PARP12: variants seen among roughly 807,000 people sequenced by gnomAD.
PARP12 encodes protein mono-ADP-ribosyltransferase PARP12.
PARP12 carries 59 observed loss-of-function variants against 72.4 expected under a neutral mutation model. The observed-to-expected ratio is 0.81, with a 90% CI of 0.66 to 1.01. PARP12 has a LOEUF of 1.01. Among genes scored for constraint, PARP12 ranks in the 50% least tolerant of loss-of-function variants. The probability of loss-of-function intolerance (pLI) is 0.00; values close to 1 mark genes in which losing one functional copy is unlikely to be tolerated. For synonymous variants in PARP12, 403 were observed against 371.4 expected (o/e 1.09, Z -0.98); for missense variants, 851 against 914.0 (o/e 0.93, Z 0.89).
rs866818501 is a variant in PARP12 at position 140,024,348 on chromosome 7, A to C, written c.*212T>G. 104 of 606,808 alleles carry C rather than the reference A, an allele frequency of 1.7e-4. No individual in the cohort carries two copies. The highest frequency in any genetic ancestry group is 1.4e-3 in the African/African-American group (74 of 53,914). The allele number at this position is 606,808 out of a possible 1,614,324, so 37.6% of individuals were successfully genotyped here. On this transcript the variant is annotated 3_prime_UTR_variant, in exon 12 of 12. Transcript: ENST00000263549. Reference sequence around the variant, plus strand: ...ATTATTAAAAAGCAAAACTGGACTCAACTACAATCACTTCTGGTTAATCCA... The same window carrying C: ...ATTATTAAAAAGCAAAACTGGACTCCACTACAATCACTTCTGGTTAATCCA...
intron 4 of PARP12, among the ~76,000 whole-genome samples, chr7:140,050,744 A>T (rs949672463): frequency 1.5e-4 from 23 of 152,216 alleles, no homozygotes; most frequent in African/African-American, 5.5e-4. Context: ...AAACACCATA[A>T]GAGAAAACAT....
At chr7:140,042,528 G>A (rs1341790792) in intron 5 of PARP12, among the ~76,000 whole-genome samples, 1 of 152,364 alleles carries the variant, frequency 6.6e-6, no homozygotes, top group East Asian at 1.9e-4. Flanking sequence ...ACGACAGAGA[G>A]CCTGGGCTTT....
At chr7:140,062,155 TTGTC>T (rs377038739) in intron 1 of PARP12, among the ~76,000 whole-genome samples, 8 of 152,134 alleles carry the variant, frequency 5.3e-5, no homozygotes, top group Non-Finnish European at 7.4e-5. Context: ...AAAACCTTCA[TTGTC>T]TGGCCTCAAA....
chr7:140,046,799 A>AGTGT (rs3216987), intron 5 of PARP12, 85 bp downstream of exon 5: 35,887 of 867,100 alleles, frequency 0.041, 1,366 homozygotes, highest in African/African-American at 0.086. Flanking sequence ...GGCTGCTCAC[A>AGTGT]GTGTGTGTGT....
chr7:140,032,245 G>A (rs972729311), intron 8 of PARP12, among the ~76,000 whole-genome samples: 7 of 152,014 alleles, frequency 4.6e-5, no homozygotes, highest in African/African-American at 9.7e-5. Flanking sequence ...CATCTCATGC[G>A]TCCTAGTGGG....
rs1817513383 is a variant in PARP12 at position 140,062,657 on chromosome 7, C to G, written c.191G>C (p.Arg64Pro). 1 of 1,300,120 alleles carries G rather than the reference C, an allele frequency of 7.7e-7. No homozygotes were observed. The highest frequency in any genetic ancestry group is 9.7e-7 in the Non-Finnish European group (1 of 1,028,268). 80.5% of individuals were successfully genotyped at this position (1,300,120 alleles called of 1,614,324 possible). Residue 64 changes from arginine to proline, a missense_variant, in exon 1 of 12, where the codon CGC becomes CCC. Physicochemically the swap from Arg to Pro is moderately radical, Grantham distance 103. This residue lies in a region of PARP12 where 492 missense variants were observed against 489.3 expected (regional missense o/e 1.01). Coordinates refer to ENST00000263549, the MANE Select transcript of PARP12 (RefSeq NM_022750.4). ...CAGCGGCGAGGCGGCCAGCACCACG[C>G]GCTCCGGGGCCGCGGCTGCGCCGCC... Reference protein sequence around the residue: ...RAGGAAAAPERVVLAASPLRL... With the variant: ...RAGGAAAAPEPVVLAASPLRL...
chr7:140,057,198 C>T (rs1220430192), intron 2 of PARP12, 45 bp from the exon 3 acceptor site: 3 of 1,557,254 alleles, frequency 1.9e-6, no homozygotes, highest in Non-Finnish European at 2.6e-6. Context: ...GAAGGTCTCA[C>T]ACGACACCAC....
At chr7:140,024,920 G>A in intron 11 of PARP12, 35 bp from the exon 12 acceptor site, 1 of 1,596,468 alleles carries the variant, frequency 6.3e-7, no homozygotes, top group African/African-American at 1.3e-5. Flanking sequence ...CTGGTGGAGG[G>A]GCCTGCAGCC....
At chr7:140,042,504 A>T (rs770727763) in intron 5 of PARP12, among the ~76,000 whole-genome samples, 1 of 152,248 alleles carries the variant, frequency 6.6e-6, no homozygotes, top group African/African-American at 2.4e-5. Flanking sequence ...ATCCCAGGGC[A>T]GTATCGATGA....
intron 5 of PARP12, among the ~76,000 whole-genome samples, chr7:140,046,632 G>A (rs1302275625): frequency 1.3e-5 from 2 of 152,162 alleles, no homozygotes; most frequent in African/African-American, 4.8e-5. Flanking sequence ...AAAGGAGAGG[G>A]AGGTGGGAGA....
chr7:140,033,101 C>T, intron 8 of PARP12: 1 of 787,266 alleles, frequency 1.3e-6, no homozygotes, highest in Non-Finnish European at 1.5e-6. Context: ...TACAGGCGCA[C>T]AGGCTGGTCT....
chr7:140,062,522 C>A lies in PARP12; in HGVS notation c.326G>T (p.Gly109Val). ...VYGACKFLRA[G>V]KNCRNSHSLT... is the part of the protein sequence containing the mutation. ...CGTCGCTCCCGGCGCGGCGCCTTACCCGGCTCTCAGGAACTTGCAGGCGCC... is the reference window on the plus strand; with the variant it reads ...CGTCGCTCCCGGCGCGGCGCCTTACACGGCTCTCAGGAACTTGCAGGCGCC... Residue 109 changes from glycine (G) to valine (V), a missense_variant and splice_region_variant, in exon 1 of 12, where the codon GGG (glycine) becomes GTG (valine). By Grantham distance (109) the Gly-to-Val change is moderately radical. Transcript: ENST00000263549. The A allele has an allele frequency of 6.5e-7, 1 of 1,547,012 alleles. No homozygotes were observed. The highest frequency in any genetic ancestry group is 8.7e-7 in the Non-Finnish European group (1 of 1,151,002).
chr7:140,047,602 T>C (rs892078293), intron 4 of PARP12, among the ~76,000 whole-genome samples: 4 of 152,202 alleles, frequency 2.6e-5, no homozygotes, highest in African/African-American at 9.6e-5. Flanking sequence ...TCCTTCTTTA[T>C]GTCTCACTTT....
chr7:140,051,358 T>G (rs1039029339), intron 4 of PARP12, among the ~76,000 whole-genome samples: 4 of 151,976 alleles, frequency 2.6e-5, no homozygotes, highest in Admixed American at 2.6e-4. Context: ...TCTACATTAT[T>G]AACTGAAGAA....
At chr7:140,057,852 G>T in intron 2 of PARP12, 47 bp downstream of exon 2, 2 of 1,609,868 alleles carry the variant, frequency 1.2e-6, no homozygotes, top group South Asian at 1.1e-5. Flanking sequence ...CAAGACACAG[G>T]AATGTCCCCA....
intron 7 of PARP12, among the ~76,000 whole-genome samples, chr7:140,036,693 A>C (rs982495728): frequency 6.6e-6 from 1 of 152,234 alleles, no homozygotes; most frequent in Non-Finnish European, 1.5e-5. Context: ...TTACTCCCTT[A>C]TAAAATGCTG....
intron 5 of PARP12, among the ~76,000 whole-genome samples, chr7:140,045,350 G>T (rs1256828839): frequency 2.0e-5 from 3 of 152,242 alleles, no homozygotes; most frequent in Middle Eastern, 3.4e-3. Context: ...TATGTGCCTG[G>T]CAGTGATCTG....
At chr7:140,053,847 T>C (rs1164549110) in intron 4 of PARP12, among the ~76,000 whole-genome samples, 3 of 152,234 alleles carry the variant, frequency 2.0e-5, no homozygotes, top group East Asian at 3.8e-4. Flanking sequence ...AATAACATTA[T>C]CACATGCTCC....
intron 6 of PARP12, among the ~76,000 whole-genome samples, chr7:140,039,194 C>T (rs770249981): frequency 1.3e-5 from 2 of 152,196 alleles, no homozygotes; most frequent in East Asian, 1.9e-4. Flanking sequence ...GACTAGAGTC[C>T]GGGAGGAAGA....
Sources: gnomAD v4.1 joint callset for allele counts (sites outside exome capture counted in the v4.1 genomes callset) on GRCh38, gnomAD v4.1.1 for gene constraint, gnomAD v4.1.1 regional missense constraint, MANE v1.5 for transcripts, NCBI Gene and HGNC (gene_info 2026-07-23, HGNC 2026-07-21) for gene names.